The following PTPRD variants were observed in gnomAD, a reference collection of about 807,000 sequenced individuals.
PTPRD encodes receptor-type tyrosine-protein phosphatase delta.
PTPRD carries 34 observed loss-of-function variants against 214.5 expected under a neutral mutation model. The observed-to-expected ratio is 0.16, with a 90% CI of 0.12 to 0.21. The LOEUF (loss-of-function observed/expected upper bound fraction) is 0.21, where lower values mean the gene tolerates loss of function less well. Ranked by LOEUF, PTPRD falls within the 10% of genes least tolerant of loss-of-function variation. PTPRD has a pLI of 1.00. For missense variants in PTPRD, 2,545 were observed against 2,398.7 expected (o/e 1.06, Z -1.27); for synonymous variants, 1,128 against 845.7 (o/e 1.33, Z -5.79).
intron 10 of PTPRD, among the ~76,000 whole-genome samples, chr9:9,161,471 G>C (rs1366559311): frequency 1.3e-5 from 2 of 152,022 alleles, no homozygotes; most frequent in Non-Finnish European, 2.9e-5. Flanking sequence ...AGAAAGTGTG[G>C]TCTCATTTGG....
intron 9 of PTPRD, among the ~76,000 whole-genome samples, chr9:9,307,504 C>T (rs940807862): frequency 6.6e-6 from 1 of 152,146 alleles, no homozygotes; most frequent in African/African-American, 2.4e-5. Context: ...CTTTAGCTAT[C>T]TCTCATCCCT....
intron 10 of PTPRD, among the ~76,000 whole-genome samples, chr9:9,049,609 T>C (rs1260753410): frequency 6.6e-6 from 1 of 152,094 alleles, no homozygotes; most frequent in Non-Finnish European, 1.5e-5. Flanking sequence ...CCGATGTTTA[T>C]TTGTAGGTAG....
intron 7 of PTPRD, among the ~76,000 whole-genome samples, chr9:9,595,034 CA>C (rs772007744): frequency 6.6e-6 from 1 of 151,606 alleles, no homozygotes; most frequent in East Asian, 1.9e-4. Context: ...AACCACAATG[CA>C]ATACTACCTT....
chr9:9,330,631 T>C (rs1000805463), intron 9 of PTPRD, among the ~76,000 whole-genome samples: 1 of 152,034 alleles, frequency 6.6e-6, no homozygotes, highest in African/African-American at 2.4e-5. Flanking sequence ...TAATAACACA[T>C]ATTGATTCAT....
In PTPRD at chr9:10,448,009, T is replaced by C. The variant is rs2098811290; in HGVS notation, c.-599-106992A>G. The stretch of plus-strand genomic sequence containing the variant: ...ATCACTGTGTGTGAGTGTGTGTGTT[T>C]GTGTGTATAATGTGTGTAGCTATAA... On this transcript the variant is annotated intron_variant, in intron 2 of 45. Coordinates refer to ENST00000381196, the MANE Select transcript of PTPRD (RefSeq NM_002839.4). Among the ~76,000 whole-genome samples the C allele has an allele frequency of 1.3e-5, 2 of 152,030 alleles. 1 individual carries two copies. The highest frequency in any genetic ancestry group is 4.8e-5 in the African/African-American group (2 of 41,310).
intron 4 of PTPRD, among the ~76,000 whole-genome samples, chr9:9,961,961 A>G (rs2094395030): frequency 2.0e-5 from 3 of 152,166 alleles, no homozygotes; most frequent in African/African-American, 7.2e-5. Flanking sequence ...ATATACAATT[A>G]TTATGTACCA....
intron 2 of PTPRD, among the ~76,000 whole-genome samples, chr9:10,536,318 TCA>T (rs1431468056): frequency 6.6e-6 from 1 of 152,120 alleles, no homozygotes; most frequent in Non-Finnish European, 1.5e-5. Context: ...CTCTTGTAAG[TCA>T]CAGAATTTTA....
At chr9:9,258,694 C>T (rs529381781) in intron 9 of PTPRD, among the ~76,000 whole-genome samples, 1 of 151,932 alleles carries the variant, frequency 6.6e-6, no homozygotes, top group African/African-American at 2.4e-5. Flanking sequence ...GGAATAACAA[C>T]AAAACCTACT....
At chr9:8,834,734 C>A (rs1397184409) in intron 11 of PTPRD, among the ~76,000 whole-genome samples, 2 of 152,062 alleles carry the variant, frequency 1.3e-5, no homozygotes, top group African/African-American at 2.4e-5. Flanking sequence ...ACTGTTTGAC[C>A]CACAGACCAA....
chr9:9,062,639 C>G (rs2099709692), intron 10 of PTPRD, among the ~76,000 whole-genome samples: 1 of 152,074 alleles, frequency 6.6e-6, no homozygotes, highest in African/African-American at 2.4e-5. Context: ...CAAAATTTAG[C>G]TGATTAAGCA....
chr9:10,379,074 G>A (rs1054934032), intron 2 of PTPRD, among the ~76,000 whole-genome samples: 1 of 151,592 alleles, frequency 6.6e-6, no homozygotes, highest in Non-Finnish European at 1.5e-5. Context: ...TTTTATTTCT[G>A]GTATTGTAAA....
At chr9:10,592,304 T>C (rs1442107349) in intron 2 of PTPRD, among the ~76,000 whole-genome samples, 1 of 152,002 alleles carries the variant, frequency 6.6e-6, no homozygotes, top group Non-Finnish European at 1.5e-5. Context: ...TCTCACCAAA[T>C]GCAGCAGCCA....
At chr9:9,499,602 T>C (rs2096332056) in intron 8 of PTPRD, among the ~76,000 whole-genome samples, 1 of 152,082 alleles carries the variant, frequency 6.6e-6, no homozygotes, top group South Asian at 2.1e-4. Context: ...CTATCAGTAT[T>C]ATTTATCAGT....
chr9:8,433,631 AAT>A (rs2095202340), intron 35 of PTPRD, among the ~76,000 whole-genome samples: 3 of 152,192 alleles, frequency 2.0e-5, no homozygotes, highest in African/African-American at 7.2e-5. Flanking sequence ...CTAAAAAGTT[AAT>A]ATAATTTAAA....
At chr9:9,827,007 TACAA>T (rs1300693997) in intron 5 of PTPRD, among the ~76,000 whole-genome samples, 1 of 151,852 alleles carries the variant, frequency 6.6e-6, no homozygotes, top group African/African-American at 2.4e-5. Context: ...TAAATGAGGA[TACAA>T]ACAAATGGAA....
chr9:8,400,421 T>C (rs1253631902), intron 36 of PTPRD, among the ~76,000 whole-genome samples: 2 of 152,220 alleles, frequency 1.3e-5, no homozygotes, highest in East Asian at 1.9e-4. Flanking sequence ...GAATGATGCA[T>C]TTGATGATTC....
intron 5 of PTPRD, among the ~76,000 whole-genome samples, chr9:9,807,600 TTG>T (rs1190281807): frequency 1.3e-5 from 2 of 152,214 alleles, no homozygotes; most frequent in Non-Finnish European, 2.9e-5. Flanking sequence ...TGAGATAACT[TTG>T]TGAAAATATC....
intron 4 of PTPRD, among the ~76,000 whole-genome samples, chr9:9,991,487 G>C (rs186006995): frequency 6.6e-6 from 1 of 151,450 alleles, no homozygotes; most frequent in East Asian, 2.0e-4. Flanking sequence ...TCAGCCTCCC[G>C]AGTAGCTGGG....
Position 8,811,571 on chromosome 9 carries a change from T to G in PTPRD, c.-103-77625A>C, listed in dbSNP as rs565316761. ...CACTAAGGAACAGAACAATCATTCT[T>G]AATTCCTGCTCTAAAGAGCCTTATT... On this transcript the variant is annotated intron_variant, in intron 11 of 45. Coordinates refer to ENST00000381196, the MANE Select transcript of PTPRD (RefSeq NM_002839.4). Among the ~76,000 whole-genome samples, 5 of 152,298 alleles carry G rather than the reference T, an allele frequency of 3.3e-5. No homozygotes were observed. The East Asian group carries it at 5.8e-4, about 18-fold the overall frequency.
Sources: gnomAD v4.1 joint callset for allele counts (sites outside exome capture counted in the v4.1 genomes callset) on GRCh38, gnomAD v4.1.1 for gene constraint, MANE v1.5 for transcripts, NCBI Gene and HGNC (gene_info 2026-07-23, HGNC 2026-07-21) for gene names.